The following UBE2J1 variants were observed in gnomAD, a reference collection of about 807,000 sequenced individuals.
UBE2J1 encodes ubiquitin-conjugating enzyme E2 J1.
A neutral mutation model predicts 42.1 loss-of-function variants in UBE2J1; 17 were observed. That is an observed-to-expected ratio of 0.40 (90% confidence interval 0.28 to 0.61). The LOEUF (loss-of-function observed/expected upper bound fraction) is 0.61. UBE2J1 is among the 20% of genes least tolerant of loss of function. The probability of loss-of-function intolerance (pLI) is 0.38; values close to 1 mark genes in which losing one functional copy is unlikely to be tolerated. For synonymous variants in UBE2J1, 127 were observed against 137.2 expected (o/e 0.93, Z 0.52); for missense variants, 291 against 389.4 (o/e 0.75, Z 2.13).
At chr6:89,343,592 T>A (rs1768300737) in intron 2 of UBE2J1, 91 bp downstream of exon 2, 1 of 846,046 alleles carries the variant, frequency 1.2e-6, no homozygotes, top group South Asian at 1.7e-5. Context: ...ATCACACACA[T>A]CTGTAATGAC....
At chr6:89,347,679 C>T (rs1057320361) in intron 1 of UBE2J1, among the ~76,000 whole-genome samples, 1 of 151,694 alleles carries the variant, frequency 6.6e-6, no homozygotes, top group African/African-American at 2.4e-5. Context: ...CTCTTGTTTC[C>T]ATAAGCTATT....
intron 3 of UBE2J1, among the ~76,000 whole-genome samples, chr6:89,339,467 A>G (rs1296264065): frequency 2.4e-4 from 1 of 4,102 alleles, no homozygotes; most frequent in Non-Finnish European, 5.1e-4. Context: ...AGGGGAGGAG[A>G]GGGGGGGAGG....
chr6:89,352,630 G>C lies in UBE2J1; in HGVS notation c.-61C>G. On this transcript the variant is annotated 5_prime_UTR_variant, in exon 1 of 8. Transcript: ENST00000435041. ...GCTGCCACCTCCTCTCCACGCGGCCGCTGCCCGGGTCTCAGCGCGGCTCGG... is the reference window on the plus strand; with the variant it reads ...GCTGCCACCTCCTCTCCACGCGGCCCCTGCCCGGGTCTCAGCGCGGCTCGG... 1.3e-6 allele frequency: 2 copies of C among 1,499,180 alleles called. No homozygotes were observed. The highest frequency in any genetic ancestry group is 1.8e-4 in the Middle Eastern group (1 of 5,704). 92.9% of individuals were successfully genotyped at this position (1,499,180 alleles called of 1,614,324 possible). A position where few individuals can be genotyped will look rare whatever the true frequency, so the allele number is the denominator to read the frequency against.
At chr6:89,330,098 A>G (rs1767981158) in intron 7 of UBE2J1, 141 bp from the exon 8 acceptor site, 13 of 862,598 alleles carry the variant, frequency 1.5e-5, no homozygotes, top group Non-Finnish European at 2.1e-5. Flanking sequence ...TACTAATAAT[A>G]CATCCCTTGA....
intron 1 of UBE2J1, among the ~76,000 whole-genome samples, chr6:89,349,320 G>A (rs998795359): frequency 6.6e-6 from 1 of 152,202 alleles, no homozygotes; most frequent in African/African-American, 2.4e-5. Flanking sequence ...TGTAGGCCAA[G>A]CTAAGCAGTT....
intron 1 of UBE2J1, among the ~76,000 whole-genome samples, chr6:89,345,949 C>A (rs1294126343): frequency 2.7e-5 from 4 of 150,750 alleles, no homozygotes; most frequent in African/African-American, 7.3e-5. Context: ...GGCAGTGGTA[C>A]GAACACAGCT....
In UBE2J1 at chr6:89,329,883, G is replaced by T; in HGVS notation, c.753C>A (p.Ser251Arg). 6.2e-7 allele frequency: 1 copy of T among 1,614,094 alleles called. No homozygotes were observed. Among genetic ancestry groups the T allele is most frequent in the Non-Finnish European group, 8.5e-7 (1 of 1,179,984 alleles). ...GCTGCTGGGCCCGGCGCTGTCGAGGGCTCATGGAGGTATTCTTAGCTACAG... is the reference window on the plus strand; with the variant it reads ...GCTGCTGGGCCCGGCGCTGTCGAGGTCTCATGGAGGTATTCTTAGCTACAG... ...TQPVAKNTSM[S>R]PRQRRAQQQS... Residue 251 changes from serine (S) to arginine (R), a missense_variant, in exon 8 of 8, where the codon AGC becomes AGA. By Grantham distance (110) the Ser-to-Arg change is moderately radical. Transcript: ENST00000435041.
chr6:89,345,372 C>A (rs568503259), intron 1 of UBE2J1, among the ~76,000 whole-genome samples: 11 of 152,260 alleles, frequency 7.2e-5, no homozygotes, highest in African/African-American at 2.6e-4. Flanking sequence ...GAGACCGAGG[C>A]GAGTGGATCA....
rs546165734 is a variant in UBE2J1 at position 89,330,145 on chromosome 6, G to C, written c.679-188C>G. On this transcript the variant is annotated intron_variant, in intron 7 of 7. Transcript: ENST00000435041. ...ATTTAGGTTCAAAAAAAAGTCATAAGTTAGGACAGCTTTTTGGCCTTTTAA... is the reference window on the plus strand; with the variant it reads ...ATTTAGGTTCAAAAAAAAGTCATAACTTAGGACAGCTTTTTGGCCTTTTAA... 2.2e-4 allele frequency among the ~76,000 whole-genome samples: 33 copies of C among 152,200 alleles called. 1 individual carries two copies. The South Asian group carries it at 6.2e-3, about 29-fold the overall frequency.
Position 89,338,247 on chromosome 6 carries a change from G to C in UBE2J1, c.386C>G (p.Ser129Cys), listed in dbSNP as rs1427687502. Residue 129 changes from serine to cysteine, a missense_variant, in exon 5 of 8, where the codon TCT becomes TGT. By Grantham distance (112) the Ser-to-Cys change is moderately radical (BLOSUM62 -1). Transcript: ENST00000435041. ...MPTKGEGAIG[S>C]LDYTPEERRA... Reference sequence around the variant, plus strand: ...TCTTTCCTCAGGAGTGTAATCTAGAGAACCTATGGCTCCCTCTCCTTTTGT... The same window carrying C: ...TCTTTCCTCAGGAGTGTAATCTAGACAACCTATGGCTCCCTCTCCTTTTGT... The C allele has an allele frequency of 6.2e-7, 1 of 1,613,618 alleles. No individual in the cohort carries two copies. Among genetic ancestry groups the C allele is most frequent in the African/African-American group, 1.3e-5 (1 of 74,898 alleles).
chr6:89,328,032 T>C lies in UBE2J1; in HGVS notation c.*1647A>G, dbSNP rs537124323. On this transcript the variant is annotated 3_prime_UTR_variant, in exon 8 of 8. Transcript: ENST00000435041. ...TAAAGTCCTTGAGCTTTTTAGACTT[T>C]AACAAATTCAGCTACAGATATAAAA... 1.3e-5 allele frequency: 2 copies of C among 152,358 alleles called. No homozygotes were observed. The highest frequency in any genetic ancestry group is 1.3e-4 in the Admixed American group (2 of 15,296). 9.4% of individuals were successfully genotyped at this position (152,358 alleles called of 1,614,324 possible). A position where few individuals can be genotyped will look rare whatever the true frequency, so the allele number is the denominator to read the frequency against.
chr6:89,336,477 T>A (rs372408696), intron 5 of UBE2J1, among the ~76,000 whole-genome samples: 3 of 148,428 alleles, frequency 2.0e-5, no homozygotes, highest in Admixed American at 6.7e-5. Flanking sequence ...TATTTTATTT[T>A]TTTTTTTTAT....
rs370432974 is a variant in UBE2J1 at position 89,348,823 on chromosome 6, CTA to C, written c.31+3714_31+3715del. 1.5e-3 allele frequency among the ~76,000 whole-genome samples: 234 copies of C among 152,286 alleles called. 5 individuals are homozygous for C. The South Asian group carries it at 0.046, about 30-fold the overall frequency. On this transcript the variant is annotated intron_variant, in intron 1 of 7. Transcript: ENST00000435041. ...AGGCTGAACCTTAAAGCTTGAAGAACTATAGGAATTTCAGATGGATTTAAAGG... is the reference window on the plus strand; with the variant it reads ...AGGCTGAACCTTAAAGCTTGAAGAACTAGGAATTTCAGATGGATTTAAAGG...
In UBE2J1 at chr6:89,336,473, ATT is replaced by A. The variant is rs544827012; in HGVS notation, c.429-1044_429-1043del. ...ACCCCGCTAATTTTTATTTTATTTT[ATT>A]TTTTTTTTTTATTTCATTTTATTAT... On this transcript the variant is annotated intron_variant, in intron 5 of 7. Coordinates refer to ENST00000435041, the MANE Select transcript of UBE2J1 (RefSeq NM_016021.3). Among the ~76,000 whole-genome samples, 230 of 48,796 alleles carry A rather than the reference ATT, an allele frequency of 4.7e-3. 1 individual carries two copies. The highest frequency in any genetic ancestry group is 0.011 in the African/African-American group (216 of 20,388). The allele number at this position is 48,796 out of a possible 152,430, so 32.0% of individuals were successfully genotyped here.
chr6:89,343,166 G>A (rs1768282594), intron 2 of UBE2J1, among the ~76,000 whole-genome samples: 1 of 152,162 alleles, frequency 6.6e-6, no homozygotes, highest in African/African-American at 2.4e-5. Context: ...GCCGGGTGCA[G>A]TGGCTCACGC....
rs368839474 is a variant in UBE2J1 at position 89,329,280 on chromosome 6, C to T, written c.*399G>A. The stretch of plus-strand genomic sequence containing the variant: ...CTTCTATCCCTATACATTCTACATA[C>T]GTAGAAACAGAGTACTCAATAAGTG... On this transcript the variant is annotated 3_prime_UTR_variant, in exon 8 of 8. Coordinates refer to ENST00000435041, the MANE Select transcript of UBE2J1 (RefSeq NM_016021.3). The T allele has an allele frequency of 1.3e-4, 29 of 220,648 alleles. No individual in the cohort carries two copies. Among genetic ancestry groups the T allele is most frequent in the African/African-American group, 1.9e-4 (8 of 41,876 alleles). 13.7% of individuals were successfully genotyped at this position (220,648 alleles called of 1,614,324 possible). A position where few individuals can be genotyped will look rare whatever the true frequency, so the allele number is the denominator to read the frequency against.
At position 89,328,578 on chromosome 6, in the gene UBE2J1, T is replaced by A. The variant is rs1767947390; in HGVS notation, c.*1101A>T. ...AAGGCAATGTTTTTCTGTGATTATATGGTTTCACCAGCCATTATGATGATA... is the reference window on the plus strand; with the variant it reads ...AAGGCAATGTTTTTCTGTGATTATAAGGTTTCACCAGCCATTATGATGATA... On this transcript the variant is annotated 3_prime_UTR_variant, in exon 8 of 8. Transcript: ENST00000435041. 1 of 152,232 alleles carries A rather than the reference T, an allele frequency of 6.6e-6. No homozygotes were observed. 9.4% of individuals were successfully genotyped at this position (152,232 alleles called of 1,614,324 possible).
At position 89,328,260 on chromosome 6, in the gene UBE2J1, G is replaced by C. The variant is rs1001913741; in HGVS notation, c.*1419C>G. 6.6e-6 allele frequency: 1 copy of C among 152,088 alleles called. No individual in the cohort carries two copies. Among genetic ancestry groups the C allele is most frequent in the Non-Finnish European group, 1.5e-5 (1 of 68,012 alleles). 9.4% of individuals were successfully genotyped at this position (152,088 alleles called of 1,614,324 possible). ...TAAAAATTAAATTTTCCTTTAAGACGATTTTACAATTATTTCTCTTGTCCA... is the reference window on the plus strand; with the variant it reads ...TAAAAATTAAATTTTCCTTTAAGACCATTTTACAATTATTTCTCTTGTCCA... On this transcript the variant is annotated 3_prime_UTR_variant, in exon 8 of 8. Transcript: ENST00000435041.
At chr6:89,352,303 A>G (rs894778576) in intron 1 of UBE2J1, among the ~76,000 whole-genome samples, 20 of 152,152 alleles carry the variant, frequency 1.3e-4, no homozygotes, top group African/African-American at 4.6e-4. Context: ...AGATGAGAAA[A>G]GGGAGAGGCT....
Sources: allele counts gnomAD v4.1 joint callset (sites outside exome capture counted in the v4.1 genomes callset), GRCh38; gene constraint gnomAD v4.1.1; transcripts MANE v1.5; gene names NCBI Gene and HGNC (gene_info 2026-07-23, HGNC 2026-07-21).